SNX6: variants seen among roughly 807,000 people sequenced by gnomAD.
SNX6 encodes the protein sorting nexin-6.
A neutral mutation model predicts 63.0 loss-of-function variants in SNX6; 34 were observed. That is an observed-to-expected ratio of 0.54 (90% CI 0.41 to 0.72). SNX6 has a LOEUF of 0.72. Ranked by LOEUF, SNX6 falls within the 30% of genes least tolerant of loss-of-function variation. The probability of loss-of-function intolerance (pLI) is 0.00; values close to 1 mark genes in which losing one functional copy is unlikely to be tolerated. For synonymous variants in SNX6, 170 were observed against 164.2 expected, an observed-to-expected ratio of 1.04 and a Z score of -0.27; for missense variants, 398 against 471.4, an observed-to-expected ratio of 0.84 and a Z score of 1.44.
chr14:34,606,753 C>G (rs1883037835), intron 4 of SNX6, among the ~76,000 whole-genome samples: 1 of 151,838 alleles, frequency 6.6e-6, no homozygotes, highest in Admixed American at 6.6e-5. Flanking sequence ...AGACTTCCAA[C>G]TCTTAAGTAT....
chr14:34,585,489 C>T (rs1037138861), intron 9 of SNX6, among the ~76,000 whole-genome samples: 1 of 152,138 alleles, frequency 6.6e-6, no homozygotes, highest in African/African-American at 2.4e-5. Context: ...CACTGCACTC[C>T]AGCCTGGGTG....
At chr14:34,570,105 T>G (rs7149128) in intron 11 of SNX6, among the ~76,000 whole-genome samples, 129,673 of 151,326 alleles carry the variant, frequency 0.86, 55,685 homozygotes, top group African/African-American at 0.88. Flanking sequence ...TTTCGCTGTT[T>G]TTGCCCAGGC....
At chr14:34,610,482 A>C (rs918093563) in intron 2 of SNX6, among the ~76,000 whole-genome samples, 5 of 152,110 alleles carry the variant, frequency 3.3e-5, no homozygotes, top group Non-Finnish European at 7.3e-5. Context: ...AATAATAAGA[A>C]GACTATCAAG....
In SNX6 at chr14:34,562,955, C is replaced by T. The variant is rs1051816925; in HGVS notation, c.*167G>A. 1.8e-5 allele frequency: 12 copies of T among 653,544 alleles called. No homozygotes were observed. Among genetic ancestry groups the T allele is most frequent in the South Asian group, 4.0e-5 (2 of 50,428 alleles). The allele number at this position is 653,544 out of a possible 1,614,324, so 40.5% of individuals were successfully genotyped here. ...GGCATCACGGCACACAGACTGGCAT[C>T]GCCTGGGCGTGCGCTGCTCCATGTT... On this transcript the variant is annotated 3_prime_UTR_variant, in exon 14 of 14. Transcript: ENST00000362031.
At chr14:34,576,239 A>G (rs1353241465) in intron 10 of SNX6, among the ~76,000 whole-genome samples, 1 of 151,592 alleles carries the variant, frequency 6.6e-6, no homozygotes. Context: ...TTCCTTCTTA[A>G]TTACTTAATT....
intron 2 of SNX6, among the ~76,000 whole-genome samples, chr14:34,612,318 G>A (rs965622707): frequency 2.0e-5 from 3 of 152,138 alleles, no homozygotes; most frequent in African/African-American, 7.2e-5. Context: ...ATTCCTAGGA[G>A]CTGTAAATGT....
At chr14:34,593,632 C>T (rs1488148618) in intron 7 of SNX6, among the ~76,000 whole-genome samples, 1 of 150,308 alleles carries the variant, frequency 6.7e-6, no homozygotes, top group Non-Finnish European at 1.5e-5. Flanking sequence ...AGTGCAGTGG[C>T]GCGATCTTGG....
chr14:34,628,357 G>A (rs1238950960), intron 2 of SNX6, among the ~76,000 whole-genome samples: 1 of 152,202 alleles, frequency 6.6e-6, no homozygotes, highest in African/African-American at 2.4e-5. Flanking sequence ...TACTCGGGAG[G>A]CTGAGGCAGG....
At chr14:34,565,850 T>C (rs1368922160) in intron 13 of SNX6, among the ~76,000 whole-genome samples, 1 of 151,678 alleles carries the variant, frequency 6.6e-6, no homozygotes, top group Non-Finnish European at 1.5e-5. Flanking sequence ...CCACCATGCC[T>C]GGTTAATTTT....
intron 10 of SNX6, among the ~76,000 whole-genome samples, chr14:34,579,924 CCTGT>C (rs1881869541): frequency 6.6e-6 from 1 of 152,096 alleles, no homozygotes; most frequent in Non-Finnish European, 1.5e-5. Context: ...GTGGCTCATG[CCTGT>C]AATTCCAGCA....
chr14:34,582,917 T>C (rs1882000277), intron 9 of SNX6, among the ~76,000 whole-genome samples: 1 of 151,958 alleles, frequency 6.6e-6, no homozygotes, highest in African/African-American at 2.4e-5. Context: ...AGTTTGAGAC[T>C]AGTCTGGGCA....
At chr14:34,616,813 C>G (rs1883434862) in intron 2 of SNX6, among the ~76,000 whole-genome samples, 1 of 152,066 alleles carries the variant, frequency 6.6e-6, no homozygotes, top group Non-Finnish European at 1.5e-5. Flanking sequence ...TGGCTCATGC[C>G]TGGCATCCCA....
At chr14:34,593,586 T>G (rs1333193555) in intron 7 of SNX6, among the ~76,000 whole-genome samples, 4 of 151,064 alleles carry the variant, frequency 2.6e-5, no homozygotes, top group African/African-American at 4.9e-5. Context: ...TTTTTTTTTT[T>G]TTTTTAGGCA....
intron 13 of SNX6, among the ~76,000 whole-genome samples, chr14:34,563,960 A>G (rs1881051713): frequency 6.6e-6 from 1 of 152,052 alleles, no homozygotes; most frequent in Non-Finnish European, 1.5e-5. Context: ...GCTGGTTTTG[A>G]ACTCCTGATC....
intron 2 of SNX6, among the ~76,000 whole-genome samples, chr14:34,624,280 T>C (rs188769070): frequency 1.1e-4 from 16 of 152,202 alleles, no homozygotes; most frequent in Admixed American, 1.0e-3. Context: ...TTTGTATTTT[T>C]AGTAGAGATG....
chr14:34,563,742 T>TTA (rs1881040389), intron 13 of SNX6, among the ~76,000 whole-genome samples: 1 of 151,990 alleles, frequency 6.6e-6, no homozygotes, highest in Non-Finnish European at 1.5e-5. Context: ...AAATTTTTTT[T>TTA]CTTTTTTTTT....
intron 6 of SNX6, among the ~76,000 whole-genome samples, chr14:34,601,219 C>CTTTTTTTT (rs77009422): frequency 2.1e-4 from 30 of 142,530 alleles, no homozygotes; most frequent in African/African-American, 6.9e-4. Context: ...AACCCTATTT[C>CTTTTTTTT]TTTTTTTTTT....
At chr14:34,603,575 A>G in intron 5 of SNX6, 104 bp from the exon 6 acceptor site, 3 of 919,590 alleles carry the variant, frequency 3.3e-6, no homozygotes, top group Non-Finnish European at 4.7e-6. Flanking sequence ...CCGAATGCAA[A>G]TCAGAGATAC....
intron 2 of SNX6, among the ~76,000 whole-genome samples, chr14:34,626,296 T>C (rs1883820941): frequency 6.6e-6 from 1 of 152,136 alleles, no homozygotes; most frequent in South Asian, 2.1e-4. Flanking sequence ...TACAGGATTC[T>C]ATAAGAACAT....
Sources: gnomAD v4.1 joint callset for allele counts (sites outside exome capture counted in the v4.1 genomes callset) on GRCh38, gnomAD v4.1.1 for gene constraint, MANE v1.5 for transcripts, NCBI Gene and HGNC (gene_info 2026-07-23, HGNC 2026-07-21) for gene names.